HDLBP: variants seen among roughly 807,000 people sequenced by gnomAD.
The protein encoded by HDLBP is vigilin.
HDLBP carries 30 observed loss-of-function variants against 137.3 expected under a neutral mutation model. The observed-to-expected ratio is 0.22, with a 90% confidence interval of 0.16 to 0.30. The LOEUF (loss-of-function observed/expected upper bound fraction) is 0.30, where lower values mean the gene tolerates loss of function less well. Among genes scored for constraint, HDLBP ranks in the 10% least tolerant of loss-of-function variants. The pLI is 1.00. For synonymous variants in HDLBP, 606 were observed against 596.0 expected (o/e 1.02, Z -0.24); for missense variants, 1,119 against 1,667.3 (o/e 0.67, Z 5.73).
At chr2:241,281,097 T>C (rs908834664) in intron 1 of HDLBP, among the ~76,000 whole-genome samples, 2 of 152,232 alleles carry the variant, frequency 1.3e-5, no homozygotes, top group African/African-American at 4.8e-5. Flanking sequence ...GGCTCACGCC[T>C]GTAATCCCAG....
At chr2:241,256,022 G>GCCC (rs1481835417) in intron 7 of HDLBP, among the ~76,000 whole-genome samples, 162 bp downstream of exon 7, 6 of 152,190 alleles carry the variant, frequency 3.9e-5, no homozygotes. Flanking sequence ...GCAAGGGGGG[G>GCCC]CGGGCACCGA....
Position 241,229,653 on chromosome 2 carries a change from C to A in HDLBP, c.3755G>T (p.Ser1252Ile), listed in dbSNP as rs897653883. The A allele has an allele frequency of 6.2e-7, 1 of 1,614,054 alleles. No homozygotes were observed. The highest frequency in any genetic ancestry group is 1.3e-5 in the African/African-American group (1 of 74,934). Residue 1252 changes from serine (S) to isoleucine (I), a missense_variant, in exon 28 of 28, where the codon AGC (serine) becomes ATC (isoleucine). Around this residue, in one of 4 missense-constraint regions of HDLBP, gnomAD observed 618 missense variants for 816.7 expected, o/e 0.76. Transcript: ENST00000310931. ...CTTGGGAGCCACCTGAGCCCCAAAGCTGGGAAATTCCTCAGAGCTGCTCAT... is the reference window on the plus strand; with the variant it reads ...CTTGGGAGCCACCTGAGCCCCAAAGATGGGAAATTCCTCAGAGCTGCTCAT... The part of the protein sequence containing the change: ...PDMSSSEEFP[S>I]FGAQVAPKTL...
chr2:241,295,858 C>T (rs936711127), intron 1 of HDLBP, among the ~76,000 whole-genome samples: 5 of 152,096 alleles, frequency 3.3e-5, no homozygotes, highest in African/African-American at 9.7e-5. Flanking sequence ...AGCTGGAAGA[C>T]GAAGAAGCAA....
Position 241,271,408 on chromosome 2 carries a change from T to C in HDLBP, c.-102-2867A>G, listed in dbSNP as rs553243713. ...CAGGAACCAAGACCCCTTTCCGCCC[T>C]AATACGTGTAGAGCAAAACGTGGAG... On this transcript the variant is annotated intron_variant, in intron 1 of 27. Transcript: ENST00000310931. Among the ~76,000 whole-genome samples, 3 of 152,350 alleles carry C rather than the reference T, an allele frequency of 2.0e-5. No individual in the cohort carries two copies. The East Asian group carries it at 5.8e-4, about 29-fold the overall frequency.
rs775630883 is a variant in HDLBP at position 241,264,451 on chromosome 2, A to G, written c.231T>C (p.Thr77=). 2 of 1,607,930 alleles carry G rather than the reference A, an allele frequency of 1.2e-6. No homozygotes were observed. Among genetic ancestry groups the G allele is most frequent in the East Asian group, 4.5e-5 (2 of 44,816 alleles). The change falls in exon 4 of 28, where the codon ACT becomes ACC. Residue 77 remains threonine, a synonymous_variant. Coordinates refer to ENST00000310931, the MANE Select transcript of HDLBP (RefSeq NM_005336.6). ...KIRPIKASVI[T]QVFHVPLEER... ...AAAGAAAGAATGGTGTTTCTACCTG[A>G]GTGATGACAGAAGCCTTGATGGGTC...
At chr2:241,284,446 G>A (rs942841667) in intron 1 of HDLBP, among the ~76,000 whole-genome samples, 1 of 152,186 alleles carries the variant, frequency 6.6e-6, no homozygotes, top group African/African-American at 2.4e-5. Context: ...GAACAGATGA[G>A]GAGTTGCTTC....
Position 241,239,798 on chromosome 2 carries a change from A to G in HDLBP, c.2414T>C (p.Met805Thr). Residue 805 changes from methionine (M) to threonine (T), a missense_variant, in exon 19 of 28, where the codon ATG becomes ACG. Transcript: ENST00000310931. The surrounding 1 kb of genome is among the most constrained non-coding windows in gnomAD (Gnocchi z 4.6). ...GCGGTGGTGCTTGGGGTCCACCAGC[A>G]TGGAGTCTTCCACCACATTATCCTG... The part of the protein sequence containing the change: ...QNLDNVVEDS[M>T]LVDPKHHRHF... The G allele has an allele frequency of 6.2e-7, 1 of 1,613,958 alleles. No individual in the cohort carries two copies. Among genetic ancestry groups the G allele is most frequent in the Non-Finnish European group, 8.5e-7 (1 of 1,180,010 alleles).
At chr2:241,273,549 G>A in intron 1 of HDLBP, 1 of 959,344 alleles carries the variant, frequency 1.0e-6, no homozygotes, top group Non-Finnish European at 1.2e-6. Context: ...CATCCATTGT[G>A]TTTACTAAGT....
Position 241,292,898 on chromosome 2 carries a change from C to T in HDLBP, c.-103+22672G>A, listed in dbSNP as rs540713178. Among the ~76,000 whole-genome samples the T allele has an allele frequency of 7.9e-5, 12 of 152,238 alleles. No individual in the cohort carries two copies. In the South Asian group the frequency reaches 1.2e-3, roughly 16 times the overall value. Reference sequence around the variant, plus strand: ...AAAACAAAAAATCAGCCAGGTGTGGCGGTGTACACCTGTGGCCCTAGCTAC... The same window carrying T: ...AAAACAAAAAATCAGCCAGGTGTGGTGGTGTACACCTGTGGCCCTAGCTAC... On this transcript the variant is annotated intron_variant, in intron 1 of 27. Transcript: ENST00000310931.
chr2:241,279,609 G>T (rs1435803414), intron 1 of HDLBP, among the ~76,000 whole-genome samples: 4 of 152,158 alleles, frequency 2.6e-5, no homozygotes, highest in Non-Finnish European at 4.4e-5. Context: ...TGGTCGTGTG[G>T]ATCAGCAGGG....
In HDLBP at chr2:241,272,661, G is replaced by C. The variant is rs1284804842; in HGVS notation, c.-102-4120C>G. On this transcript the variant is annotated intron_variant, in intron 1 of 27. Transcript: ENST00000310931. This position sits in a 1 kb window ranked among gnomAD's most constrained non-coding sequence, Gnocchi z 5.6. Reference sequence around the variant, plus strand: ...GCACCCGGGCCCCTCCCCCTCCGCGGCCTCCACGTCAGCAGCCACCCCCCA... The same window carrying C: ...GCACCCGGGCCCCTCCCCCTCCGCGCCCTCCACGTCAGCAGCCACCCCCCA... 1.1e-6 allele frequency: 1 copy of C among 922,590 alleles called. No homozygotes were observed. Among genetic ancestry groups the C allele is most frequent in the Non-Finnish European group, 1.3e-6 (1 of 776,448 alleles). The allele number at this position is 922,590 out of a possible 1,614,324, so 57.2% of individuals were successfully genotyped here. A position where few individuals can be genotyped will look rare whatever the true frequency, so the allele number is the denominator to read the frequency against.
chr2:241,286,962 G>C (rs1003754844), intron 1 of HDLBP, among the ~76,000 whole-genome samples: 3 of 132,170 alleles, frequency 2.3e-5, no homozygotes, highest in African/African-American at 5.3e-5. Flanking sequence ...AAAAAAAAAA[G>C]AAAACATGTA....
At chr2:241,298,375 T>C (rs1033478449) in intron 1 of HDLBP, among the ~76,000 whole-genome samples, 5 of 151,248 alleles carry the variant, frequency 3.3e-5, no homozygotes, top group African/African-American at 9.7e-5. Flanking sequence ...GAAAAAATAA[T>C]AATAATGAAA....
chr2:241,230,104 G>T lies in HDLBP; in HGVS notation c.3591+49C>A. ...GAAGCTCCTGGCTGGGCCTCAGGCC[G>T]GTGGACGTGCCAGGGCGCCTCAGGG... On this transcript the variant is annotated intron_variant, in intron 26 of 27. Coordinates refer to ENST00000310931, the MANE Select transcript of HDLBP (RefSeq NM_005336.6). This position sits in a 1 kb window ranked among gnomAD's most constrained non-coding sequence, Gnocchi z 5.0. 6.3e-7 allele frequency: 1 copy of T among 1,587,736 alleles called. No homozygotes were observed. Among genetic ancestry groups the T allele is most frequent in the African/African-American group, 1.3e-5 (1 of 74,472 alleles).
At chr2:241,249,762 C>A in intron 12 of HDLBP, 79 bp downstream of exon 12, 1 of 1,401,076 alleles carries the variant, frequency 7.1e-7, no homozygotes. Context: ...AGGCCGCACA[C>A]CACAACACGC....
At chr2:241,256,937 A>T in intron 5 of HDLBP, 131 bp from the exon 6 acceptor site, 1 of 754,822 alleles carries the variant, frequency 1.3e-6, no homozygotes, top group Non-Finnish European at 2.2e-6. Context: ...CATCCATTAA[A>T]ACAGCATGAG....
rs756746024 is a variant in HDLBP, at chr2:241,267,566, C to T, written c.-37-660G>A. The T allele has an allele frequency of 6.5e-6, 10 of 1,535,056 alleles. No homozygotes were observed. In the South Asian group the frequency reaches 1.1e-4, roughly 16 times the overall value. ...CGACCTTGGTTATTCTGTCAATTTG[C>T]TCACCACACACCTCTTAATGCTTAC... On this transcript the variant is annotated intron_variant, in intron 2 of 27. Coordinates refer to ENST00000310931, the MANE Select transcript of HDLBP (RefSeq NM_005336.6).
chr2:241,236,332 T>G, intron 21 of HDLBP: 1 of 446,594 alleles, frequency 2.2e-6, no homozygotes, highest in Non-Finnish European at 4.0e-6. Flanking sequence ...GCTGAGACCC[T>G]TCCACAGCCC....
chr2:241,266,756 T>G (rs773824477), intron 3 of HDLBP, 38 bp downstream of exon 3: 2 of 1,283,286 alleles, frequency 1.6e-6, no homozygotes, highest in Non-Finnish European at 2.3e-6. Flanking sequence ...AGCAATGCCT[T>G]AGACATTACC....
Sources: allele counts gnomAD v4.1 joint callset (sites outside exome capture counted in the v4.1 genomes callset), GRCh38; gene constraint gnomAD v4.1.1; regional missense constraint gnomAD v4.1.1; non-coding constraint Gnocchi (gnomAD v3.1); transcripts MANE v1.5; gene names NCBI Gene and HGNC (gene_info 2026-07-23, HGNC 2026-07-21).